BRD10: variants seen among roughly 807,000 people sequenced by gnomAD.
The protein encoded by BRD10 is uncharacterized bromodomain-containing protein 10.
chr9:5,891,542 A>G, the BRD10 span, among the ~76,000 whole-genome samples: 1 of 152,204 alleles, frequency 6.6e-6, no homozygotes, highest in African/African-American at 2.4e-5. Context: ...GCTCATTAAT[A>G]TAATTCTATG....
At chr9:5,999,104 A>G in the BRD10 span, among the ~76,000 whole-genome samples, 4 of 152,144 alleles carry the variant, frequency 2.6e-5, no homozygotes, top group South Asian at 4.1e-4. Context: ...TATATTTGCC[A>G]TAATTCTTTT....
At chr9:5,906,527 GTCTT>G in the BRD10 span, among the ~76,000 whole-genome samples, 3 of 152,258 alleles carry the variant, frequency 2.0e-5, no homozygotes, top group East Asian at 5.8e-4. Context: ...GCTTGACAAA[GTCTT>G]TATTTCTGCT....
the BRD10 span, among the ~76,000 whole-genome samples, chr9:5,975,183 C>G: frequency 2.0e-5 from 3 of 151,968 alleles, no homozygotes; most frequent in Non-Finnish European, 4.4e-5. Flanking sequence ...TGCCTGTAAT[C>G]CCAGCACTTT....
the BRD10 span, among the ~76,000 whole-genome samples, chr9:5,933,469 C>T: frequency 4.1e-4 from 62 of 152,296 alleles, no homozygotes; most frequent in Admixed American, 9.8e-4. Context: ...CCAATGTCCA[C>T]GGCAGCTGCA....
chr9:5,978,502 A>G, the BRD10 span, among the ~76,000 whole-genome samples: 4 of 152,136 alleles, frequency 2.6e-5, no homozygotes, highest in African/African-American at 9.6e-5. Context: ...TGAATAACAC[A>G]TAATATTATA....
the BRD10 span, among the ~76,000 whole-genome samples, chr9:5,931,468 T>C: frequency 1.3e-5 from 2 of 152,230 alleles, no homozygotes; most frequent in African/African-American, 4.8e-5. Context: ...AATATACTAC[T>C]GAACTAGAAG....
chr9:5,879,552 G>A, the BRD10 span, among the ~76,000 whole-genome samples: 1 of 152,098 alleles, frequency 6.6e-6, no homozygotes, highest in Non-Finnish European at 1.5e-5. Flanking sequence ...AATGCCAGCG[G>A]CCCCAAAGGA....
chr9:5,935,100 T>C, the BRD10 span, among the ~76,000 whole-genome samples: 2 of 152,174 alleles, frequency 1.3e-5, no homozygotes, highest in African/African-American at 4.8e-5. Context: ...GTATAATACA[T>C]ATAAATATGA....
At chr9:5,920,532 T>C in the BRD10 span, 1 of 1,613,996 alleles carries the variant, frequency 6.2e-7, no homozygotes, top group Admixed American at 1.7e-5. Flanking sequence ...TTGGACGTAT[T>C]AGTTATTTTA....
the BRD10 span, among the ~76,000 whole-genome samples, chr9:5,887,621 C>T: frequency 6.6e-6 from 1 of 152,186 alleles, no homozygotes; most frequent in Non-Finnish European, 1.5e-5. Flanking sequence ...GTACTCACCA[C>T]CAGGACTTTC....
the BRD10 span, among the ~76,000 whole-genome samples, chr9:5,893,804 G>A: frequency 5.3e-5 from 8 of 152,206 alleles, no homozygotes; most frequent in South Asian, 6.2e-4. Context: ...AAGATGTTGT[G>A]CCATCACCTC....
chr9:5,952,818 A>G, the BRD10 span, among the ~76,000 whole-genome samples: 7 of 152,200 alleles, frequency 4.6e-5, no homozygotes, highest in Admixed American at 1.3e-4. Context: ...TGTAATACTA[A>G]AGCATTAAAA....
chr9:5,944,417 TTAAAAAG>T, the BRD10 span, among the ~76,000 whole-genome samples: 2 of 152,234 alleles, frequency 1.3e-5, no homozygotes, highest in South Asian at 4.1e-4. Flanking sequence ...TAAAGGTTCT[TTAAAAAG>T]TCATATTGTT....
the BRD10 span, chr9:5,892,418 C>A: frequency 6.6e-7 from 1 of 1,519,112 alleles, no homozygotes. Flanking sequence ...GCTTTGGATG[C>A]ATTAATGATG....
the BRD10 span, among the ~76,000 whole-genome samples, chr9:5,935,166 A>G: frequency 6.6e-6 from 1 of 152,258 alleles, no homozygotes; most frequent in Non-Finnish European, 1.5e-5. Flanking sequence ...ACTATTATAT[A>G]TGCTATTATT....
At chr9:5,978,172 T>C in the BRD10 span, among the ~76,000 whole-genome samples, 1 of 152,230 alleles carries the variant, frequency 6.6e-6, no homozygotes, top group Non-Finnish European at 1.5e-5. Flanking sequence ...GTGGCATGTT[T>C]GCCTGTTACT....
At chr9:5,945,686 G>C in the BRD10 span, among the ~76,000 whole-genome samples, 1 of 151,884 alleles carries the variant, frequency 6.6e-6, no homozygotes, top group Non-Finnish European at 1.5e-5. Context: ...GTCAACAACA[G>C]TAACAAAAAT....
chr9:5,994,911 T>TC, the BRD10 span, among the ~76,000 whole-genome samples: 1 of 151,274 alleles, frequency 6.6e-6, no homozygotes, highest in African/African-American at 2.4e-5. Context: ...CTTTTTTTTT[T>TC]TTTTTGAGAC....
the BRD10 span, chr9:5,953,892 T>A: frequency 1.5e-6 from 1 of 666,322 alleles, no homozygotes; most frequent in Non-Finnish European, 2.7e-6. Flanking sequence ...AAAGTCACTG[T>A]CAGAAACATT....
Sources: gnomAD v4.1 joint callset for allele counts (sites outside exome capture counted in the v4.1 genomes callset) on GRCh38, gnomAD v4.1.1 for gene constraint, MANE v1.5 for transcripts, NCBI Gene and HGNC (gene_info 2026-07-23, HGNC 2026-07-21) for gene names.